Variants in DPP6 observed in about 807,000 individuals in gnomAD.
DPP6 encodes the protein dipeptidyl peptidase like 6, also known as A-type potassium channel modulatory protein DPP6.
DPP6 carries 69 observed loss-of-function variants against 122.6 expected under a neutral mutation model. That is an observed-to-expected ratio of 0.56 (90% CI 0.46 to 0.69). The LOEUF (loss-of-function observed/expected upper bound fraction) is 0.69. Among genes scored for constraint, DPP6 ranks in the 30% least tolerant of loss-of-function variants. The pLI is 0.00. For missense variants in DPP6, 928 were observed against 1,116.9 expected, an observed-to-expected ratio of 0.83 and a Z score of 2.41; for synonymous variants, 418 against 433.1, an observed-to-expected ratio of 0.97 and a Z score of 0.43.
intron 1 of DPP6, among the ~76,000 whole-genome samples, chr7:154,149,141 G>A (rs2150680709): frequency 6.6e-6 from 1 of 152,356 alleles, no homozygotes; most frequent in Middle Eastern, 3.4e-3. Context: ...CAGGATAGCT[G>A]CACCGCATCA....
intron 1 of DPP6, among the ~76,000 whole-genome samples, chr7:154,065,075 T>G (rs1279348980): frequency 6.6e-6 from 1 of 152,102 alleles, no homozygotes; most frequent in Non-Finnish European, 1.5e-5. Context: ...ACTCCCTAAA[T>G]GGGTGACTGT....
intron 10 of DPP6, among the ~76,000 whole-genome samples, chr7:154,791,166 C>T (rs1470579256): frequency 1.3e-5 from 2 of 152,058 alleles, no homozygotes; most frequent in Non-Finnish European, 1.5e-5. Flanking sequence ...GCATGAGAAT[C>T]GCTTGAACCT....
intron 1 of DPP6, among the ~76,000 whole-genome samples, chr7:154,151,396 T>C (rs568251459): frequency 5.1e-4 from 78 of 152,332 alleles, no homozygotes; most frequent in African/African-American, 1.8e-3. Context: ...TGTCACTGCA[T>C]TCCTGTGCTT....
At chr7:153,983,501 G>T (rs188077681) in intron 1 of DPP6, among the ~76,000 whole-genome samples, 1 of 152,212 alleles carries the variant, frequency 6.6e-6, no homozygotes, top group Non-Finnish European at 1.5e-5. Flanking sequence ...GATGGGCTCC[G>T]CTGAGCAAGA....
chr7:154,008,708 C>T (rs1427938784), intron 1 of DPP6, among the ~76,000 whole-genome samples: 2 of 142,362 alleles, frequency 1.4e-5, no homozygotes, highest in Non-Finnish European at 3.0e-5. Flanking sequence ...GTCGCCCAGG[C>T]TGGAGTGCAG....
intron 7 of DPP6, among the ~76,000 whole-genome samples, chr7:154,708,958 G>C (rs959143894): frequency 1.3e-5 from 2 of 152,020 alleles, no homozygotes; most frequent in Admixed American, 6.5e-5. Context: ...TGAGGCAAGA[G>C]AATTGCTTGA....
At chr7:154,672,609 T>C (rs1838636413) in intron 7 of DPP6, among the ~76,000 whole-genome samples, 1 of 152,246 alleles carries the variant, frequency 6.6e-6, no homozygotes, top group Non-Finnish European at 1.5e-5. Context: ...AATGTTCAGG[T>C]AAGTAATAAC....
At chr7:154,371,546 G>T (rs1477262788) in intron 1 of DPP6, among the ~76,000 whole-genome samples, 3 of 152,234 alleles carry the variant, frequency 2.0e-5, no homozygotes, top group Non-Finnish European at 4.4e-5. Flanking sequence ...AGTGGGAGTG[G>T]TTGATATTTC....
intron 5 of DPP6, among the ~76,000 whole-genome samples, chr7:154,632,802 A>G (rs1835486518): frequency 6.6e-6 from 1 of 152,194 alleles, no homozygotes; most frequent in Admixed American, 6.5e-5. Context: ...GACCTTAGAA[A>G]TCTAAAGTAT....
chr7:154,452,652 T>C (rs1310884971), intron 2 of DPP6, among the ~76,000 whole-genome samples: 1 of 152,218 alleles, frequency 6.6e-6, no homozygotes, highest in African/African-American at 2.4e-5. Context: ...CTTGATTCAG[T>C]CGTTTTGTGA....
chr7:153,983,185 G>A (rs1460843929), intron 1 of DPP6, among the ~76,000 whole-genome samples: 1 of 152,208 alleles, frequency 6.6e-6, no homozygotes, highest in Non-Finnish European at 1.5e-5. Flanking sequence ...CAGGGAGATG[G>A]GAGTTTTATC....
intron 1 of DPP6, among the ~76,000 whole-genome samples, chr7:154,349,126 C>T (rs1810632179): frequency 6.6e-6 from 1 of 152,172 alleles, no homozygotes; most frequent in Non-Finnish European, 1.5e-5. Flanking sequence ...AAGGGGGTGA[C>T]ATGTGGATTT....
At chr7:154,002,941 T>C (rs1263379029) in intron 1 of DPP6, among the ~76,000 whole-genome samples, 3 of 152,166 alleles carry the variant, frequency 2.0e-5, no homozygotes, top group Non-Finnish European at 4.4e-5. Context: ...CTGTCTCCTT[T>C]CCTGGAAATG....
At chr7:153,969,769 A>G (rs1166501968) in intron 1 of DPP6, among the ~76,000 whole-genome samples, 1 of 150,636 alleles carries the variant, frequency 6.6e-6, no homozygotes, top group Non-Finnish European at 1.5e-5. Flanking sequence ...TAGTCATGTA[A>G]GCACGATTAT....
At chr7:153,790,312 G>A in the DPP6 span, among the ~76,000 whole-genome samples, 2 of 151,450 alleles carry the variant, frequency 1.3e-5, no homozygotes, top group Non-Finnish European at 2.9e-5. Context: ...CAAGTAGGAT[G>A]GGAAAAATAA....
chr7:154,614,051 C>CT (rs1221728624), intron 5 of DPP6, among the ~76,000 whole-genome samples: 1 of 152,256 alleles, frequency 6.6e-6, no homozygotes, highest in Non-Finnish European at 1.5e-5. Context: ...CGGCCAGCCT[C>CT]TGTGCCTCCA....
At chr7:154,699,493 T>C (rs1323353083) in intron 7 of DPP6, among the ~76,000 whole-genome samples, 1 of 152,168 alleles carries the variant, frequency 6.6e-6, no homozygotes, top group African/African-American at 2.4e-5. Flanking sequence ...ACAATATTTG[T>C]GTTTTGGTTC....
chr7:153,985,409 GTTCTGTCACAGTAGGAAGAAA>G (rs1332865283), intron 1 of DPP6, among the ~76,000 whole-genome samples: 1 of 152,216 alleles, frequency 6.6e-6, no homozygotes, highest in Non-Finnish European at 1.5e-5. Flanking sequence ...AGTGGGACCA[GTTCTGTCACAGTAGGAAGAAA>G]TTCTGTCAAG....
chr7:154,055,187 A>T (rs543152571), intron 1 of DPP6, among the ~76,000 whole-genome samples: 1 of 144,026 alleles, frequency 6.9e-6, no homozygotes, highest in Non-Finnish European at 1.5e-5. Flanking sequence ...GCACACATAT[A>T]TACTTGCCCA....
Sources: allele counts gnomAD v4.1 joint callset (sites outside exome capture counted in the v4.1 genomes callset), GRCh38; gene constraint gnomAD v4.1.1; transcripts MANE v1.5; gene names NCBI Gene and HGNC (gene_info 2026-07-23, HGNC 2026-07-21).